PLEKHA5: variants seen among roughly 807,000 people sequenced by gnomAD.
PLEKHA5 encodes pleckstrin homology domain-containing family A member 5.
PLEKHA5 carries 55 observed loss-of-function variants against 181.9 expected under a neutral mutation model. The observed-to-expected ratio is 0.30, with a 90% CI of 0.24 to 0.38. The LOEUF is 0.38. Ranked by LOEUF, PLEKHA5 falls within the 10% of genes least tolerant of loss-of-function variation. The pLI is 1.00. For synonymous variants in PLEKHA5, 535 were observed against 529.4 expected (o/e 1.01, Z -0.15); for missense variants, 1,432 against 1,549.5 (o/e 0.92, Z 1.27).
intron 3 of PLEKHA5, chr12:19,201,942 G>T: frequency 2.3e-6 from 1 of 430,382 alleles, no homozygotes; most frequent in Non-Finnish European, 3.1e-6. Context: ...TTAACCATAG[G>T]TGGGTTTAAT....
intron 26 of PLEKHA5, among the ~76,000 whole-genome samples, chr12:19,357,720 C>T (rs2095029081): frequency 6.6e-6 from 1 of 151,974 alleles, no homozygotes; most frequent in African/African-American, 2.4e-5. Flanking sequence ...GCTGCAACCT[C>T]CACCTCCTGG....
At position 19,132,377 on chromosome 12, in the gene PLEKHA5, A is replaced by C; in HGVS notation, c.170-16A>C. On this transcript the variant is annotated splice_polypyrimidine_tract_variant and intron_variant, in intron 2 of 31. Transcript: ENST00000429027. ...TCATTGAAGTAATACTAATTGTAAT[A>C]TATGTATTGTTTTAGATTTGCCTAC... 1 of 1,268,380 alleles carries C rather than the reference A, an allele frequency of 7.9e-7. No individual in the cohort carries two copies. Among genetic ancestry groups the C allele is most frequent in the African/African-American group, 1.5e-5 (1 of 67,432 alleles). 78.6% of individuals were successfully genotyped at this position (1,268,380 alleles called of 1,614,324 possible).
intron 29 of PLEKHA5, among the ~76,000 whole-genome samples, chr12:19,365,244 G>C (rs181954249): frequency 6.6e-6 from 1 of 151,760 alleles, no homozygotes; most frequent in Non-Finnish European, 1.5e-5. Flanking sequence ...GCAGGCGCCC[G>C]TAGTCCCTGC....
intron 26 of PLEKHA5, among the ~76,000 whole-genome samples, chr12:19,354,221 G>A (rs548197995): frequency 3.3e-5 from 4 of 120,636 alleles, no homozygotes; most frequent in East Asian, 2.6e-4. Context: ...GCGCGATCTC[G>A]GCTCACTGCA....
chr12:19,239,265 C>T (rs927519539), intron 3 of PLEKHA5, among the ~76,000 whole-genome samples: 1 of 152,166 alleles, frequency 6.6e-6, no homozygotes, highest in African/African-American at 2.4e-5. Flanking sequence ...ATAGCATGCC[C>T]TGCGTTGTAC....
chr12:19,282,892 A>G (rs2076476827), intron 11 of PLEKHA5, among the ~76,000 whole-genome samples: 1 of 152,078 alleles, frequency 6.6e-6, no homozygotes, highest in Non-Finnish European at 1.5e-5. Context: ...TAATATTTTG[A>G]TCTTTAAAAA....
chr12:19,143,919 A>G (rs1321714073), intron 3 of PLEKHA5, among the ~76,000 whole-genome samples: 1 of 152,168 alleles, frequency 6.6e-6, no homozygotes, highest in Non-Finnish European at 1.5e-5. Flanking sequence ...AAAAATGTTT[A>G]TATGAATACT....
chr12:19,310,831 G>T (rs543056647), intron 15 of PLEKHA5, among the ~76,000 whole-genome samples: 8 of 151,982 alleles, frequency 5.3e-5, no homozygotes, highest in Non-Finnish European at 1.0e-4. Context: ...TGATTATACT[G>T]TATTCTGTTA....
intron 3 of PLEKHA5, among the ~76,000 whole-genome samples, chr12:19,195,854 A>G (rs956944757): frequency 6.6e-6 from 1 of 151,960 alleles, no homozygotes; most frequent in African/African-American, 2.4e-5. Context: ...TCTACCTATT[A>G]TTTTTGACAG....
chr12:19,297,341 G>A (rs1045290121), intron 15 of PLEKHA5, among the ~76,000 whole-genome samples: 3 of 151,780 alleles, frequency 2.0e-5, no homozygotes, highest in African/African-American at 7.3e-5. Flanking sequence ...AAAAAATACA[G>A]GCCGGGCGCG....
At chr12:19,363,116 T>G (rs540926643) in intron 29 of PLEKHA5, among the ~76,000 whole-genome samples, 60 of 77,284 alleles carry the variant, frequency 7.8e-4, no homozygotes, top group Middle Eastern at 7.4e-3. Flanking sequence ...CTATATTTCT[T>G]TTTTTGTTTT....
chr12:19,240,757 A>G (rs1039969649), intron 3 of PLEKHA5, among the ~76,000 whole-genome samples: 6 of 151,834 alleles, frequency 4.0e-5, no homozygotes, highest in African/African-American at 1.5e-4. Flanking sequence ...CAGGCTGTGT[A>G]TATTTTTGAA....
chr12:19,310,609 C>CAAAAAA (rs5796796), intron 15 of PLEKHA5, among the ~76,000 whole-genome samples: 1 of 111,952 alleles, frequency 8.9e-6, no homozygotes. Context: ...GACTCCCTCT[C>CAAAAAA]AAAAAAAAAA....
chr12:19,222,245 A>AT (rs796677139), intron 3 of PLEKHA5, among the ~76,000 whole-genome samples: 7 of 152,198 alleles, frequency 4.6e-5, no homozygotes, highest in South Asian at 2.1e-4. Context: ...ACAAAGCTAC[A>AT]TTTTTTTAAT....
At position 19,164,194 on chromosome 12, in the gene PLEKHA5, T is replaced by C. The variant is rs1323299534; in HGVS notation, c.227+31744T>C. ...CCCCACTTCTTGCTCTCCAGATGTT[T>C]TTGTTTTTTTTTTTTTTTTTTTGAG... On this transcript the variant is annotated intron_variant, in intron 3 of 31. Transcript: ENST00000429027. Among the ~76,000 whole-genome samples the C allele has an allele frequency of 4.7e-5, 6 of 128,030 alleles. No homozygotes were observed. In the East Asian group the frequency reaches 1.3e-3, roughly 28 times the overall value. The allele number at this position is 128,030 out of a possible 152,430, so 84.0% of individuals were successfully genotyped here. A position where few individuals can be genotyped will look rare whatever the true frequency, so the allele number is the denominator to read the frequency against.
intron 3 of PLEKHA5, among the ~76,000 whole-genome samples, chr12:19,224,478 G>A (rs373188253): frequency 1.3e-5 from 2 of 152,198 alleles, no homozygotes; most frequent in South Asian, 2.1e-4. Flanking sequence ...GTATAAACCA[G>A]TTTTCTGCAT....
chr12:19,280,936 C>G (rs889160493), intron 11 of PLEKHA5, among the ~76,000 whole-genome samples: 1 of 152,086 alleles, frequency 6.6e-6, no homozygotes, highest in Non-Finnish European at 1.5e-5. Context: ...GTCTTGAACT[C>G]CTGGCCTCAA....
rs143428726 is a variant in PLEKHA5 at position 19,231,042 on chromosome 12, G to A, written c.228-22898G>A. Among the ~76,000 whole-genome samples, 94 of 152,256 alleles carry A rather than the reference G, an allele frequency of 6.2e-4. 1 individual carries two copies. Among genetic ancestry groups the A allele is most frequent in the African/African-American group, 2.1e-3 (87 of 41,560 alleles). On this transcript the variant is annotated intron_variant, in intron 3 of 31. Transcript: ENST00000429027. ...CTTAATCATGAGTCTCCATAACACA[G>A]TCTGTCCTGTACTGTGGTTTTTTTT... is the stretch of plus-strand genomic sequence containing the variant.
intron 15 of PLEKHA5, among the ~76,000 whole-genome samples, chr12:19,300,530 G>A (rs1192840927): frequency 2.6e-5 from 4 of 152,182 alleles, no homozygotes; most frequent in South Asian, 2.1e-4. Flanking sequence ...TTAATTTTAT[G>A]TACATTTTTC....
Sources: allele counts gnomAD v4.1 joint callset (sites outside exome capture counted in the v4.1 genomes callset), GRCh38; gene constraint gnomAD v4.1.1; transcripts MANE v1.5; gene names NCBI Gene and HGNC (gene_info 2026-07-23, HGNC 2026-07-21).